Variants in KCNQ5 observed in about 807,000 individuals in gnomAD.
KCNQ5 encodes the protein potassium voltage-gated channel subfamily KQT member 5.
A neutral mutation model predicts 98.2 loss-of-function variants in KCNQ5; 30 were observed. The ratio of observed to expected loss-of-function variants is 0.31; its 90% CI spans 0.23 to 0.41. KCNQ5 has a LOEUF of 0.41. Ranked by LOEUF, KCNQ5 falls within the 10% of genes least tolerant of loss-of-function variation. The probability of loss-of-function intolerance (pLI) is 1.00; values close to 1 mark genes in which losing one functional copy is unlikely to be tolerated. For synonymous variants in KCNQ5, 458 were observed against 449.4 expected (o/e 1.02, Z -0.24); for missense variants, 835 against 1,182.5 (o/e 0.71, Z 4.31).
chr6:73,188,761 G>A (rs778435623), intron 11 of KCNQ5, among the ~76,000 whole-genome samples: 45 of 152,190 alleles, frequency 3.0e-4, no homozygotes, highest in Non-Finnish European at 5.0e-4. Context: ...GAGGTGGGCA[G>A]ATCACAAGGT....
At chr6:72,736,244 A>T (rs1021366802) in intron 1 of KCNQ5, among the ~76,000 whole-genome samples, 6 of 152,246 alleles carry the variant, frequency 3.9e-5, no homozygotes, top group Non-Finnish European at 8.8e-5. Context: ...CCAAGAAAAC[A>T]AGAAAAATGG....
chr6:72,644,410 C>T (rs1765482512), intron 1 of KCNQ5, among the ~76,000 whole-genome samples: 1 of 152,156 alleles, frequency 6.6e-6, no homozygotes. Flanking sequence ...CTAGATCACC[C>T]TTCAGTCTGG....
chr6:73,041,869 C>T, intron 2 of KCNQ5, 67 bp from the exon 3 acceptor site: 2 of 1,580,120 alleles, frequency 1.3e-6, no homozygotes, highest in Non-Finnish European at 1.7e-6. Context: ...CAAAAATATG[C>T]ATAGAGCTTC....
At chr6:72,966,802 C>T (rs532439111) in intron 1 of KCNQ5, among the ~76,000 whole-genome samples, 1 of 152,244 alleles carries the variant, frequency 6.6e-6, no homozygotes, top group Non-Finnish European at 1.5e-5. Flanking sequence ...AGACTGTGTT[C>T]AGGAACCCAG....
intron 1 of KCNQ5, among the ~76,000 whole-genome samples, chr6:72,947,345 T>C (rs1766594413): frequency 6.6e-6 from 1 of 152,134 alleles, no homozygotes; most frequent in African/African-American, 2.4e-5. Flanking sequence ...ATTATCATCA[T>C]CAAAAAATAT....
intron 3 of KCNQ5, among the ~76,000 whole-genome samples, chr6:73,073,116 C>G (rs1773369448): frequency 6.6e-6 from 1 of 152,162 alleles, no homozygotes; most frequent in Non-Finnish European, 1.5e-5. Context: ...TCATAGCCTC[C>G]CCCTTTCTGT....
chr6:72,899,303 A>G (rs145504006), intron 1 of KCNQ5, among the ~76,000 whole-genome samples: 3 of 152,282 alleles, frequency 2.0e-5, no homozygotes, highest in African/African-American at 7.2e-5. Context: ...TTGTACATGT[A>G]CCAATATTTC....
chr6:72,804,160 T>C (rs1268190586), intron 1 of KCNQ5, among the ~76,000 whole-genome samples: 1 of 152,152 alleles, frequency 6.6e-6, no homozygotes, highest in Non-Finnish European at 1.5e-5. Flanking sequence ...ATTTATTCAT[T>C]GTGTTAAAAT....
intron 7 of KCNQ5, among the ~76,000 whole-genome samples, chr6:73,114,308 C>T (rs796515738): frequency 8.5e-5 from 13 of 152,258 alleles, no homozygotes; most frequent in African/African-American, 2.9e-4. Context: ...AGCCCAAAAG[C>T]GTCTCATTTA....
intron 1 of KCNQ5, among the ~76,000 whole-genome samples, chr6:72,945,787 C>G (rs1441866744): frequency 6.6e-6 from 1 of 152,048 alleles, no homozygotes; most frequent in Non-Finnish European, 1.5e-5. Context: ...ATGATTATAT[C>G]AAACAAATTA....
intron 1 of KCNQ5, among the ~76,000 whole-genome samples, chr6:72,903,216 T>C (rs1197450810): frequency 2.0e-5 from 3 of 152,168 alleles, no homozygotes; most frequent in Non-Finnish European, 2.9e-5. Context: ...ATTTGGATTC[T>C]CTCTCTTCTC....
intron 1 of KCNQ5, among the ~76,000 whole-genome samples, chr6:72,756,834 T>G (rs1223065931): frequency 6.6e-6 from 1 of 152,122 alleles, no homozygotes; most frequent in African/African-American, 2.4e-5. Flanking sequence ...CCTATTTATA[T>G]ATATACAAAT....
intron 7 of KCNQ5, among the ~76,000 whole-genome samples, chr6:73,115,715 A>T (rs753512321): frequency 5.9e-5 from 9 of 152,248 alleles, no homozygotes; most frequent in African/African-American, 9.6e-5. Flanking sequence ...ACTTTTAGGC[A>T]TGCAAGATCT....
chr6:72,987,666 A>G, intron 1 of KCNQ5: 1 of 613,412 alleles, frequency 1.6e-6, no homozygotes, highest in Non-Finnish European at 2.9e-6. Context: ...ACAGCCGCGG[A>G]GCCCGTCTCT....
chr6:73,050,326 G>A lies in KCNQ5; in HGVS notation c.616+8264G>A, dbSNP rs2150364994. ...AGGAAGGAAGGGAGGGAAGAAGGAAGGAAGGGAGGGAGGGAAGGAGGGAGG... is the reference window on the plus strand; with the variant it reads ...AGGAAGGAAGGGAGGGAAGAAGGAAAGAAGGGAGGGAGGGAAGGAGGGAGG... On this transcript the variant is annotated intron_variant, in intron 3 of 13. Coordinates refer to ENST00000370398, the MANE Select transcript of KCNQ5 (RefSeq NM_019842.4). Among the ~76,000 whole-genome samples, 2 of 143,014 alleles carry A rather than the reference G, an allele frequency of 1.4e-5. 1 individual carries two copies. Among genetic ancestry groups the A allele is most frequent in the South Asian group, 4.6e-4 (2 of 4,378 alleles). The allele number at this position is 143,014 out of a possible 152,430, so 93.8% of individuals were successfully genotyped here.
intron 1 of KCNQ5, chr6:72,986,911 G>T: frequency 1.2e-6 from 1 of 849,336 alleles, no homozygotes; most frequent in South Asian, 1.5e-5. Context: ...CAGTGGGGAA[G>T]AAGGGTGAGG....
chr6:73,149,640 A>T (rs1020902390), intron 10 of KCNQ5, among the ~76,000 whole-genome samples: 34 of 151,964 alleles, frequency 2.2e-4, no homozygotes, highest in Non-Finnish European at 4.3e-4. Flanking sequence ...TACTAAAAAT[A>T]CAAAAAATTA....
rs1216464746 is a variant in KCNQ5, at chr6:73,198,225, A to G, written c.*2811A>G. 6.6e-6 allele frequency: 1 copy of G among 152,226 alleles called. No individual in the cohort carries two copies. Among genetic ancestry groups the G allele is most frequent in the Non-Finnish European group, 1.5e-5 (1 of 68,050 alleles). 9.4% of individuals were successfully genotyped at this position (152,226 alleles called of 1,614,324 possible). ...TTCAACATGTAGGGTTGATCAAGCT[A>G]ATACTTAATTGCAAATATCCCTTGT... is the stretch of plus-strand genomic sequence containing the variant. On this transcript the variant is annotated 3_prime_UTR_variant, in exon 14 of 14. Transcript: ENST00000370398.
At chr6:73,129,322 T>G (rs1421433069) in intron 9 of KCNQ5, among the ~76,000 whole-genome samples, 1 of 512 alleles carries the variant, frequency 2.0e-3, no homozygotes, top group East Asian at 0.056. Context: ...TTGTTGAACA[T>G]ATATTCTGAC....
Sources: allele counts gnomAD v4.1 joint callset (sites outside exome capture counted in the v4.1 genomes callset), GRCh38; gene constraint gnomAD v4.1.1; transcripts MANE v1.5; gene names NCBI Gene and HGNC (gene_info 2026-07-23, HGNC 2026-07-21).